Variants in DHRS7C observed in about 807,000 individuals in gnomAD.
DHRS7C encodes the protein dehydrogenase/reductase SDR family member 7C.
Under a neutral mutation model 29.6 loss-of-function variants are expected in DHRS7C, and 28 were observed. The ratio of observed to expected loss-of-function variants is 0.95; its 90% CI spans 0.70 to 1.30. The LOEUF (loss-of-function observed/expected upper bound fraction) is 1.30, where lower values mean the gene tolerates loss of function less well. Ranked by LOEUF, DHRS7C falls within the 50% of genes most tolerant of loss-of-function variation. DHRS7C has a pLI of 0.00. For missense variants in DHRS7C, 403 were observed against 393.3 expected (o/e 1.02, Z -0.21); for synonymous variants, 158 against 160.2 (o/e 0.99, Z 0.10).
intron 5 of DHRS7C, among the ~76,000 whole-genome samples, 176 bp downstream of exon 5, chr17:9,772,591 C>A (rs1197147874): frequency 6.6e-6 from 1 of 152,142 alleles, no homozygotes; most frequent in Non-Finnish European, 1.5e-5. Flanking sequence ...CTACCGGGTG[C>A]CTCAGGCCTA....
rs2066419978 is a variant in DHRS7C at position 9,785,794 on chromosome 17, G to A, written c.155-4200C>T. ...TTATAGCACTGTCAGTTGGGTGAGA[G>A]TTTTTCTCGCTCTCCTATCTTGTCT... is the stretch of plus-strand genomic sequence containing the variant. On this transcript the variant is annotated intron_variant, in intron 1 of 5. Transcript: ENST00000571134. Among the ~76,000 whole-genome samples, 4 of 152,150 alleles carry A rather than the reference G, an allele frequency of 2.6e-5. No homozygotes were observed. In the South Asian group the frequency reaches 8.3e-4, roughly 32 times the overall value.
chr17:9,790,672 G>A (rs2066449632), intron 1 of DHRS7C, among the ~76,000 whole-genome samples: 1 of 152,204 alleles, frequency 6.6e-6, no homozygotes, highest in Non-Finnish European at 1.5e-5. Context: ...CCTCACAATG[G>A]CAGCATGAGG....
At position 9,772,792 on chromosome 17, in the gene DHRS7C, T is replaced by C; in HGVS notation, c.702A>G (p.Gly234=). 6.2e-7 allele frequency: 1 copy of C among 1,613,864 alleles called. No homozygotes were observed. The highest frequency in any genetic ancestry group is 1.1e-5 in the South Asian group (1 of 91,070). ...IRSYHVYPEQ[G]NWEASIWKFF... is the part of the protein sequence containing the mutation. ...ATTTCCAAATGGAAGCTTCCCAGTT[T>C]CCTTGCTCTGGATACACGTGGTACG... is the stretch of plus-strand genomic sequence containing the variant. Residue 234 remains glycine (G), a synonymous_variant, in exon 5 of 6, where the codon GGA becomes GGG. Coordinates refer to ENST00000571134, the MANE Select transcript of DHRS7C (RefSeq NM_001105571.3).
intron 5 of DHRS7C, among the ~76,000 whole-genome samples, 194 bp from the exon 6 acceptor site, chr17:9,771,890 G>A (rs1008360921): frequency 3.3e-5 from 5 of 152,246 alleles, no homozygotes; most frequent in African/African-American, 1.2e-4. Context: ...TTCCTTCTGC[G>A]TCTTCGTCTA....
chr17:9,777,156 C>A (rs948483064), intron 4 of DHRS7C, 37 bp downstream of exon 4: 8 of 1,564,950 alleles, frequency 5.1e-6, no homozygotes, highest in African/African-American at 1.4e-5. Flanking sequence ...ATAAGACATA[C>A]AACAGAAGAT....
intron 5 of DHRS7C, among the ~76,000 whole-genome samples, chr17:9,772,137 T>A (rs1039894127): frequency 6.6e-6 from 1 of 152,152 alleles, no homozygotes. Context: ...GTAGCGCCTC[T>A]ACGCTTAGAG....
intron 4 of DHRS7C, among the ~76,000 whole-genome samples, chr17:9,776,347 C>T (rs1175131865): frequency 1.3e-5 from 2 of 152,166 alleles, no homozygotes; most frequent in African/African-American, 2.4e-5. Flanking sequence ...GGAAACCAGC[C>T]CTGCCGACAC....
intron 1 of DHRS7C, among the ~76,000 whole-genome samples, chr17:9,782,203 T>A (rs1567702508): frequency 6.6e-6 from 1 of 152,126 alleles, no homozygotes. Context: ...ATTTGGAGAG[T>A]TTGCTTGCTG....
chr17:9,789,287 G>T (rs962494781), intron 1 of DHRS7C, among the ~76,000 whole-genome samples: 7 of 152,128 alleles, frequency 4.6e-5, no homozygotes, highest in Non-Finnish European at 1.0e-4. Flanking sequence ...ACATTTAAAA[G>T]AATCGAAATC....
chr17:9,787,954 ACCT>A (rs1164517409), intron 1 of DHRS7C, among the ~76,000 whole-genome samples: 3 of 151,976 alleles, frequency 2.0e-5, no homozygotes, highest in Admixed American at 6.6e-5. Flanking sequence ...CAAGCGATTC[ACCT>A]ACCTCGGCCT....
chr17:9,784,636 A>G (rs2066412441), intron 1 of DHRS7C, among the ~76,000 whole-genome samples: 1 of 152,242 alleles, frequency 6.6e-6, no homozygotes, highest in African/African-American at 2.4e-5. Flanking sequence ...AATCAATTAG[A>G]AAAAAGATAA....
At chr17:9,780,083 C>T (rs1221039287) in intron 2 of DHRS7C, 48 bp from the exon 3 acceptor site, 1 of 1,563,262 alleles carries the variant, frequency 6.4e-7, no homozygotes, top group South Asian at 1.2e-5. Flanking sequence ...TCTCCTCCCT[C>T]TTGCAGACCT....
At chr17:9,790,612 G>A (rs2066449289) in intron 1 of DHRS7C, among the ~76,000 whole-genome samples, 1 of 152,224 alleles carries the variant, frequency 6.6e-6, no homozygotes. Context: ...GATATCCACT[G>A]TAGCTCCAGG....
In DHRS7C at chr17:9,781,482, C is replaced by T. The variant is rs759864510; in HGVS notation, c.267G>A (p.Lys89=). ...DALISVADPS[K]TFTPKLVLLD... is the part of the protein sequence containing the mutation. ...CACGCCTACTGCTAGAAGACCTTACCTTGCTGGGGTCAGCCACGCTGATCA... is the reference window on the plus strand; with the variant it reads ...CACGCCTACTGCTAGAAGACCTTACTTTGCTGGGGTCAGCCACGCTGATCA... The change falls in exon 2 of 6, where the codon AAG becomes AAA. Residue 89 remains lysine, a splice_region_variant and synonymous_variant. Coordinates refer to ENST00000571134, the MANE Select transcript of DHRS7C (RefSeq NM_001105571.3). 3.1e-6 allele frequency: 5 copies of T among 1,613,922 alleles called. No homozygotes were observed. Among genetic ancestry groups the T allele is most frequent in the South Asian group, 1.1e-5 (1 of 91,080 alleles).
chr17:9,791,101 T>A (rs1275292860), intron 1 of DHRS7C, 30 bp downstream of exon 1: 2 of 1,585,988 alleles, frequency 1.3e-6, no homozygotes, highest in South Asian at 1.1e-5. Context: ...GGGGCAGAAA[T>A]GGGCACAGGT....
intron 4 of DHRS7C, among the ~76,000 whole-genome samples, chr17:9,773,582 TGTCA>T (rs1368181053): frequency 6.6e-6 from 1 of 152,004 alleles, no homozygotes; most frequent in African/African-American, 2.4e-5. Flanking sequence ...ATTTTAGGGG[TGTCA>T]GTCAGAGGCA....
At position 9,779,841 on chromosome 17, in the gene DHRS7C, G is replaced by A. The variant is rs1270019410; in HGVS notation, c.462C>T (p.Pro154=). ...TCACGAGACCTTTCGTCAATGTGATGGGGCCAAAGTAATTGGCATCCATGA... is the reference window on the plus strand; with the variant it reads ...TCACGAGACCTTTCGTCAATGTGATAGGGCCAAAGTAATTGGCATCCATGA... The part of the protein sequence containing the change: ...KKIMDANYFG[P]ITLTKALLPN... Residue 154 remains proline (P), a synonymous_variant, in exon 3 of 6, where the codon CCC becomes CCT. Transcript: ENST00000571134. 6.2e-7 allele frequency: 1 copy of A among 1,612,836 alleles called. No homozygotes were observed. The highest frequency in any genetic ancestry group is 1.1e-5 in the South Asian group (1 of 90,688).
rs377087215 is a variant in DHRS7C, at chr17:9,777,203, G to A, written c.561C>T (p.Phe187=). 5.6e-6 allele frequency: 9 copies of A among 1,613,122 alleles called. No individual in the cohort carries two copies. In the African/African-American group the frequency reaches 1.1e-4, roughly 19 times the overall value. Residue 187 remains phenylalanine (F), a synonymous_variant, in exon 4 of 6, where the codon TTC becomes TTT. Transcript: ENST00000571134. ...ATCTTAGCAACTTACAAGTCGTACG[G>A]AACGGGATTCCAAACTTCCCTTGGA... The part of the protein sequence containing the change: ...NNIQGKFGIP[F]RTTYAASKHA...
At chr17:9,789,051 G>A (rs1031799031) in intron 1 of DHRS7C, among the ~76,000 whole-genome samples, 1 of 152,124 alleles carries the variant, frequency 6.6e-6, no homozygotes, top group African/African-American at 2.4e-5. Flanking sequence ...TGAATGAGGT[G>A]TTTTAAAAAT....
Sources: allele counts gnomAD v4.1 joint callset (sites outside exome capture counted in the v4.1 genomes callset), GRCh38; gene constraint gnomAD v4.1.1; transcripts MANE v1.5; gene names NCBI Gene and HGNC (gene_info 2026-07-23, HGNC 2026-07-21).